The following CORO1C variants were observed in gnomAD, a reference collection of about 807,000 sequenced individuals.
CORO1C encodes the protein coronin 1C.
Under a neutral mutation model 51.2 loss-of-function variants are expected in CORO1C, and 14 were observed. The observed-to-expected ratio is 0.27, with a 90% confidence interval of 0.18 to 0.43. The LOEUF (loss-of-function observed/expected upper bound fraction) is 0.43, where lower values mean the gene tolerates loss of function less well. CORO1C is among the 20% of genes least tolerant of loss of function. The pLI is 1.00. For missense variants in CORO1C, 417 were observed against 607.8 expected, an observed-to-expected ratio of 0.69 and a Z score of 3.30; for synonymous variants, 181 against 210.5, an observed-to-expected ratio of 0.86 and a Z score of 1.21.
chr12:108,657,217 C>A, intron 6 of CORO1C, 87 bp downstream of exon 6: 1 of 1,497,324 alleles, frequency 6.7e-7, no homozygotes, highest in Non-Finnish European at 9.0e-7. Flanking sequence ...ACTAAGAATC[C>A]CATAATCTAC....
intron 2 of CORO1C, chr12:108,696,308 A>T (rs1489572554): frequency 1.3e-5 from 2 of 152,128 alleles, no homozygotes; most frequent in Non-Finnish European, 2.9e-5. Flanking sequence ...CAGCCAAGAG[A>T]ATGTCAAGAG....
intron 2 of CORO1C, among the ~76,000 whole-genome samples, chr12:108,683,256 A>G (rs371883650): frequency 4.6e-5 from 7 of 152,168 alleles, no homozygotes; most frequent in Admixed American, 2.6e-4. Flanking sequence ...CGTCTCTGCT[A>G]AAAATACAAA....
intron 10 of CORO1C, 75 bp from the exon 11 acceptor site, chr12:108,647,597 TATAAA>T: frequency 9.1e-7 from 1 of 1,093,190 alleles, no homozygotes; most frequent in Non-Finnish European, 1.3e-6. Flanking sequence ...ACTTGTAAGA[TATAAA>T]ATGTAGTTTT....
intron 2 of CORO1C, among the ~76,000 whole-genome samples, chr12:108,688,936 CAGG>C (rs1421804832): frequency 2.0e-5 from 3 of 151,018 alleles, no homozygotes; most frequent in Non-Finnish European, 4.4e-5. Flanking sequence ...AGGGCTGAGG[CAGG>C]AGAATTGCTT....
At chr12:108,657,946 C>T (rs557526465) in intron 5 of CORO1C, among the ~76,000 whole-genome samples, 1 of 152,294 alleles carries the variant, frequency 6.6e-6, no homozygotes, top group Non-Finnish European at 1.5e-5. Context: ...CAGTAAGCAC[C>T]AGCTACTATC....
At chr12:108,684,154 A>C (rs1421746781) in intron 2 of CORO1C, among the ~76,000 whole-genome samples, 1 of 152,230 alleles carries the variant, frequency 6.6e-6, no homozygotes, top group Non-Finnish European at 1.5e-5. Flanking sequence ...GAGAACTCAC[A>C]GCGAAGAAAA....
chr12:108,675,166 C>T (rs943442343), intron 3 of CORO1C, among the ~76,000 whole-genome samples: 1 of 152,084 alleles, frequency 6.6e-6, no homozygotes, highest in African/African-American at 2.4e-5. Context: ...TTTGGTAATA[C>T]AGTATTTTTA....
intron 2 of CORO1C, among the ~76,000 whole-genome samples, chr12:108,689,137 TTG>T (rs1339620343): frequency 1.3e-5 from 2 of 151,658 alleles, no homozygotes; most frequent in East Asian, 3.9e-4. Flanking sequence ...AAGGCGGAGG[TTG>T]CAGTGAGCTG....
rs1462489049 is a variant in CORO1C at position 108,721,444 on chromosome 12, C to T, written c.-6+9985G>A. Among the ~76,000 whole-genome samples the T allele has an allele frequency of 3.3e-5, 5 of 152,168 alleles. No homozygotes were observed. In the East Asian group the frequency reaches 7.7e-4, roughly 23 times the overall value. On this transcript the variant is annotated intron_variant, in intron 1 of 10. Coordinates refer to ENST00000261401, the MANE Select transcript of CORO1C (RefSeq NM_014325.4). ...ATTCCCACAGAGCTCACAGTCTATACTGCAGAATTCACCATCAAAGAGTCA... is the reference window on the plus strand; with the variant it reads ...ATTCCCACAGAGCTCACAGTCTATATTGCAGAATTCACCATCAAAGAGTCA...
chr12:108,731,480 G>T lies in CORO1C; in HGVS notation c.-57C>A, dbSNP rs916276165. Reference sequence around the variant, plus strand: ...CGCCGAAGTCCCCGCTGCAAAGCCGGGCGAAGCCTCCAACCGCTGCCGCCT... The same window carrying T: ...CGCCGAAGTCCCCGCTGCAAAGCCGTGCGAAGCCTCCAACCGCTGCCGCCT... On this transcript the variant is annotated 5_prime_UTR_variant, in exon 1 of 11. Coordinates refer to ENST00000261401, the MANE Select transcript of CORO1C (RefSeq NM_014325.4). The surrounding 1 kb of genome is among the most constrained non-coding windows in gnomAD (Gnocchi z 5.2). The T allele has an allele frequency of 6.6e-6, 1 of 152,174 alleles. No individual in the cohort carries two copies. Among genetic ancestry groups the T allele is most frequent in the Non-Finnish European group, 1.5e-5 (1 of 68,202 alleles). The allele number at this position is 152,174 out of a possible 1,614,324, so 9.4% of individuals were successfully genotyped here. A position where few individuals can be genotyped will look rare whatever the true frequency, so the allele number is the denominator to read the frequency against.
intron 8 of CORO1C, among the ~76,000 whole-genome samples, chr12:108,650,024 A>G (rs2032569281): frequency 6.6e-6 from 1 of 152,212 alleles, no homozygotes; most frequent in African/African-American, 2.4e-5. Flanking sequence ...CCTGGCAGAT[A>G]CACTGCTCTA....
chr12:108,712,287 T>C (rs375999412), intron 1 of CORO1C, among the ~76,000 whole-genome samples: 3 of 152,270 alleles, frequency 2.0e-5, no homozygotes, highest in African/African-American at 4.8e-5. Flanking sequence ...TTTAAGAAGA[T>C]GGAGGCCGGG....
At chr12:108,690,109 G>A (rs1248026736) in intron 2 of CORO1C, among the ~76,000 whole-genome samples, 1 of 152,132 alleles carries the variant, frequency 6.6e-6, no homozygotes, top group Non-Finnish European at 1.5e-5. Context: ...TGTGGTCATG[G>A]GACAAGGGGA....
At chr12:108,687,965 G>A (rs1770201196) in intron 2 of CORO1C, among the ~76,000 whole-genome samples, 1 of 150,192 alleles carries the variant, frequency 6.7e-6, no homozygotes, top group African/African-American at 2.5e-5. Flanking sequence ...TGTCACCCAG[G>A]CTGGAGTGCA....
intron 2 of CORO1C, among the ~76,000 whole-genome samples, chr12:108,683,373 C>T (rs886593233): frequency 3.4e-5 from 5 of 148,978 alleles, no homozygotes; most frequent in African/African-American, 1.0e-4. Context: ...GAGCTGAGAT[C>T]GCACCATTGC....
intron 1 of CORO1C, among the ~76,000 whole-genome samples, chr12:108,722,332 C>A (rs1213438278): frequency 6.6e-6 from 1 of 152,002 alleles, no homozygotes; most frequent in Non-Finnish European, 1.5e-5. Flanking sequence ...GTGAGCTTAA[C>A]CAGGGAAGTA....
At chr12:108,694,389 G>C (rs2034603375) in intron 2 of CORO1C, among the ~76,000 whole-genome samples, 1 of 150,596 alleles carries the variant, frequency 6.6e-6, no homozygotes, top group African/African-American at 2.4e-5. Context: ...CTAAAGTACT[G>C]TGTTAAATTT....
intron 3 of CORO1C, among the ~76,000 whole-genome samples, chr12:108,667,764 T>C (rs1315397352): frequency 4.6e-5 from 7 of 152,148 alleles, no homozygotes; most frequent in African/African-American, 1.4e-4. Context: ...ATCAGTAAAA[T>C]CCCATTGTGG....
At position 108,652,860 on chromosome 12, in the gene CORO1C, A is replaced by AT. The variant is rs1487929564; in HGVS notation, c.856-444dup. 1.7e-4 allele frequency among the ~76,000 whole-genome samples: 5 copies of AT among 29,788 alleles called. No homozygotes were observed. The East Asian group carries it at 0.18, about 1,083-fold the overall frequency. 19.5% of individuals were successfully genotyped at this position (29,788 alleles called of 152,430 possible). ...GCAATGCTGTTATGCCAGTATGATG[A>AT]TAAAAAGTGAGATTTTTCTAATGAA... On this transcript the variant is annotated intron_variant, in intron 7 of 10. Coordinates refer to ENST00000261401, the MANE Select transcript of CORO1C (RefSeq NM_014325.4).
Sources: gnomAD v4.1 joint callset for allele counts (sites outside exome capture counted in the v4.1 genomes callset) on GRCh38, gnomAD v4.1.1 for gene constraint, Gnocchi (gnomAD v3.1) non-coding constraint, MANE v1.5 for transcripts, NCBI Gene and HGNC (gene_info 2026-07-23, HGNC 2026-07-21) for gene names.